IGDCC4: variants seen among roughly 807,000 people sequenced by gnomAD.
The protein encoded by IGDCC4 is likely ortholog of mouse neighbor of Punc E11.
Under a neutral mutation model 116.6 loss-of-function variants are expected in IGDCC4, and 72 were observed. The observed-to-expected ratio is 0.62, with a 90% confidence interval of 0.51 to 0.75. IGDCC4 has a LOEUF of 0.75. Ranked by LOEUF, IGDCC4 falls within the 30% of genes least tolerant of loss-of-function variation. IGDCC4 has a pLI of 0.00. For synonymous variants in IGDCC4, 709 were observed against 719.9 expected, an observed-to-expected ratio of 0.98 and a Z score of 0.24; for missense variants, 1,501 against 1,662.4, an observed-to-expected ratio of 0.90 and a Z score of 1.69.
At chr15:65,410,734 C>G in intron 2 of IGDCC4, 1 of 488,570 alleles carries the variant, frequency 2.0e-6, no homozygotes, top group Non-Finnish European at 3.6e-6. Context: ...AAAGGGGGCA[C>G]TCTGGCAGGC....
In IGDCC4 at chr15:65,394,494, C is replaced by G; in HGVS notation, c.1631G>C (p.Arg544Thr). Residue 544 changes from arginine (R) to threonine (T), a missense_variant, in exon 9 of 20, where the codon AGG becomes ACG. This residue lies in a region of IGDCC4 where 898 missense variants were observed against 978.9 expected (regional missense o/e 0.92). Transcript: ENST00000352385. ...GGGGGGCAGGGGCAGCCACGCCACC[C>G]TGATGTCCGAAGGGTTGGGGCTGGA... The part of the protein sequence containing the change: ...SLSSPNPSDI[R>T]VAWLPLPPSL... 6.2e-7 allele frequency: 1 copy of G among 1,613,560 alleles called. No homozygotes were observed.
chr15:65,411,960 G>T (rs1326979711), intron 1 of IGDCC4, among the ~76,000 whole-genome samples: 3 of 152,206 alleles, frequency 2.0e-5, no homozygotes. Context: ...CCACTGAGTT[G>T]AACACTGTAA....
In IGDCC4 at chr15:65,395,236, C is replaced by A; in HGVS notation, c.1434G>T (p.Gln478His). ...CTGTGGTGTCGTTGTTCACTGCAAA[C>A]TGGTATTCCACATTGTCCATGCCTG... ...KARGMDNVEYQFAVNNDTTEL... is the reference protein window; with the variant it reads ...KARGMDNVEYHFAVNNDTTEL... The change falls in exon 8 of 20, where the codon CAG (glutamine) becomes CAT (histidine). Residue 478 changes from glutamine to histidine, a missense_variant. This residue lies in a region of IGDCC4 where 898 missense variants were observed against 978.9 expected (regional missense o/e 0.92). Coordinates refer to ENST00000352385, the MANE Select transcript of IGDCC4 (RefSeq NM_020962.3). 6.2e-7 allele frequency: 1 copy of A among 1,613,536 alleles called. No homozygotes were observed. The highest frequency in any genetic ancestry group is 8.5e-7 in the Non-Finnish European group (1 of 1,179,552).
Position 65,384,502 on chromosome 15 carries a change from G to T in IGDCC4, c.3343-83C>A. 1 of 1,326,530 alleles carries T rather than the reference G, an allele frequency of 7.5e-7. No individual in the cohort carries two copies. Among genetic ancestry groups the T allele is most frequent in the Non-Finnish European group, 1.0e-6 (1 of 988,960 alleles). The allele number at this position is 1,326,530 out of a possible 1,614,324, so 82.2% of individuals were successfully genotyped here. On this transcript the variant is annotated intron_variant, in intron 19 of 19. Transcript: ENST00000352385. This position sits in a 1 kb window ranked among gnomAD's most constrained non-coding sequence, Gnocchi z 4.9. ...ATGACCAGCGTACGTGGGGCAGAAAGTCTGACCCTCCATCAGAGTAAGTAT... is the reference window on the plus strand; with the variant it reads ...ATGACCAGCGTACGTGGGGCAGAAATTCTGACCCTCCATCAGAGTAAGTAT...
chr15:65,389,217 T>C (rs1458147661), intron 14 of IGDCC4, 67 bp downstream of exon 14: 42 of 1,586,202 alleles, frequency 2.6e-5, no homozygotes, highest in Non-Finnish European at 3.1e-5. Flanking sequence ...AGTATGTTTC[T>C]TGCTGCTGGG....
chr15:65,402,528 G>T, intron 3 of IGDCC4, 41 bp from the exon 4 acceptor site: 1 of 1,552,900 alleles, frequency 6.4e-7, no homozygotes, highest in Non-Finnish European at 8.7e-7. Context: ...GTGGGCAGGG[G>T]GGCCACAGGG....
In IGDCC4 at chr15:65,395,897, C is replaced by T; in HGVS notation, c.1264G>A (p.Val422Met). Residue 422 changes from valine to methionine, a missense_variant, in exon 7 of 20, where the codon GTG (valine) becomes ATG (methionine). Coordinates refer to ENST00000352385, the MANE Select transcript of IGDCC4 (RefSeq NM_020962.3). Reference protein sequence around the residue: ...GMACAAASLAVVVREGLPSAP... With the variant: ...GMACAAASLAMVVREGLPSAP... ...CTGGGCAGCCCCTCGCGCACCACCACGGCCAGCGACGCGGCAGCGCACGCC... is the reference window on the plus strand; with the variant it reads ...CTGGGCAGCCCCTCGCGCACCACCATGGCCAGCGACGCGGCAGCGCACGCC... 5.0e-6 allele frequency: 8 copies of T among 1,589,504 alleles called. No homozygotes were observed. The highest frequency in any genetic ancestry group is 2.3e-5 in the East Asian group (1 of 44,226).
At chr15:65,385,682 A>G (rs747473615) in intron 18 of IGDCC4, 149 bp downstream of exon 18, 9 of 738,112 alleles carry the variant, frequency 1.2e-5, no homozygotes, top group Non-Finnish European at 2.2e-5. Flanking sequence ...CTGACAGCCA[A>G]CCATTCCGTG....
In IGDCC4 at chr15:65,382,065, T is replaced by TA. The variant is rs1396802848; in HGVS notation, c.*1943_*1944insT. On this transcript the variant is annotated 3_prime_UTR_variant, in exon 20 of 20. Transcript: ENST00000352385. ...AAGAGCCTACTGTTAAAACAGCCAT[T>TA]TAATTCAGGGCAGTTTTTTTTTCTT... 1 of 152,442 alleles carries TA rather than the reference T, an allele frequency of 6.6e-6. No individual in the cohort carries two copies. Among genetic ancestry groups the TA allele is most frequent in the Non-Finnish European group, 1.5e-5 (1 of 68,028 alleles). The allele number at this position is 152,442 out of a possible 1,614,324, so 9.4% of individuals were successfully genotyped here. A position where few individuals can be genotyped will look rare whatever the true frequency, so the allele number is the denominator to read the frequency against.
chr15:65,389,522 G>C lies in IGDCC4; in HGVS notation c.2409-111C>G, dbSNP rs1013561963. ...GCCCCAGCCCCAGGCTCTACCCTGG[G>C]AAGGGAAGCTGCTCCCTGGCCTGGA... On this transcript the variant is annotated intron_variant, in intron 13 of 19. Transcript: ENST00000352385. 14 of 1,479,140 alleles carry C rather than the reference G, an allele frequency of 9.5e-6. No individual in the cohort carries two copies. In the African/African-American group the frequency reaches 2.0e-4, roughly 21 times the overall value. The allele number at this position is 1,479,140 out of a possible 1,614,324, so 91.6% of individuals were successfully genotyped here.
intron 5 of IGDCC4, among the ~76,000 whole-genome samples, chr15:65,397,328 C>T (rs1259521080): frequency 6.6e-6 from 1 of 152,166 alleles, no homozygotes; most frequent in Non-Finnish European, 1.5e-5. Flanking sequence ...CCCTGGGGTC[C>T]CAGCCCAGTA....
At chr15:65,408,267 A>G (rs1266413520) in intron 3 of IGDCC4, among the ~76,000 whole-genome samples, 2 of 151,922 alleles carry the variant, frequency 1.3e-5, no homozygotes, top group Non-Finnish European at 2.9e-5. Flanking sequence ...ACATGGGGAG[A>G]TTTTGCTGCC....
At chr15:65,403,649 A>G (rs1455531696) in intron 3 of IGDCC4, among the ~76,000 whole-genome samples, 1 of 152,024 alleles carries the variant, frequency 6.6e-6, no homozygotes, top group Non-Finnish European at 1.5e-5. Context: ...TCTGGTGCCA[A>G]ATGTCATATT....
chr15:65,400,918 G>A lies in IGDCC4; in HGVS notation c.729C>T (p.Asp243=), dbSNP rs762875537. The change falls in exon 5 of 20, where the codon GAC becomes GAT. Residue 243 remains aspartate, a synonymous_variant. Transcript: ENST00000352385. ...RGSLASTRGQ[D]VVIVAAPENT... Reference sequence around the variant, plus strand: ...TCTCTGGGGCTGCCACAATGACCACGTCCTGCCCCCTGGTGGACGCCAGGG... The same window carrying A: ...TCTCTGGGGCTGCCACAATGACCACATCCTGCCCCCTGGTGGACGCCAGGG... The A allele has an allele frequency of 7.4e-6, 12 of 1,614,132 alleles. No individual in the cohort carries two copies. The highest frequency in any genetic ancestry group is 3.3e-5 in the South Asian group (3 of 91,074).
intron 2 of IGDCC4, 99 bp downstream of exon 2, chr15:65,410,919 CAA>C (rs981512647): frequency 6.6e-6 from 6 of 908,728 alleles, no homozygotes; most frequent in African/African-American, 1.7e-5. Context: ...GGAGTGGGAT[CAA>C]GAGAGAGGCA....
At position 65,384,561 on chromosome 15, in the gene IGDCC4, G is replaced by C. The variant is rs116538545; in HGVS notation, c.3343-142C>G. ...AGTCGGTGAAGGATACACAGGAACT[G>C]TTCGAACCTATACAAAGGCAGGGAA... On this transcript the variant is annotated intron_variant, in intron 19 of 19. Coordinates refer to ENST00000352385, the MANE Select transcript of IGDCC4 (RefSeq NM_020962.3). This position sits in a 1 kb window ranked among gnomAD's most constrained non-coding sequence, Gnocchi z 4.9. The C allele has an allele frequency of 3.3e-3, 2,728 of 831,412 alleles. 53 individuals carry two copies. In the African/African-American group the frequency reaches 0.039, roughly 12 times the overall value. The allele number at this position is 831,412 out of a possible 1,614,324, so 51.5% of individuals were successfully genotyped here.
intron 1 of IGDCC4, among the ~76,000 whole-genome samples, chr15:65,417,815 C>T (rs1595796926): frequency 6.6e-6 from 1 of 152,098 alleles, no homozygotes; most frequent in Non-Finnish European, 1.5e-5. Context: ...AGGGTGGTCT[C>T]GAACTCCTGA....
chr15:65,401,033 G>C (rs1393008518), intron 4 of IGDCC4, 87 bp from the exon 5 acceptor site: 1 of 1,543,524 alleles, frequency 6.5e-7, no homozygotes, highest in East Asian at 2.2e-5. Flanking sequence ...AACCTGGTGA[G>C]GTGGTACCGG....
At chr15:65,385,691 T>G in intron 18 of IGDCC4, 140 bp downstream of exon 18, 1 of 754,758 alleles carries the variant, frequency 1.3e-6, no homozygotes, top group Non-Finnish European at 2.4e-6. Context: ...AACCATTCCG[T>G]GGAGGAGGGA....
Sources: gnomAD v4.1 joint callset for allele counts (sites outside exome capture counted in the v4.1 genomes callset) on GRCh38, gnomAD v4.1.1 for gene constraint, gnomAD v4.1.1 regional missense constraint, Gnocchi (gnomAD v3.1) non-coding constraint, MANE v1.5 for transcripts, NCBI Gene and HGNC (gene_info 2026-07-23, HGNC 2026-07-21) for gene names.